Variants in MACROD2 observed in about 807,000 individuals in gnomAD.
MACROD2 encodes mono-ADP ribosylhydrolase 2.
MACROD2 carries 36 observed loss-of-function variants against 70.4 expected under a neutral mutation model. The ratio of observed to expected loss-of-function variants is 0.51; its 90% confidence interval spans 0.39 to 0.68. The LOEUF is 0.68. Among genes scored for constraint, MACROD2 ranks in the 30% least tolerant of loss-of-function variants. MACROD2 has a pLI of 0.00. For missense variants in MACROD2, 496 were observed against 538.4 expected, an observed-to-expected ratio of 0.92 and a Z score of 0.78; for synonymous variants, 172 against 178.8, an observed-to-expected ratio of 0.96 and a Z score of 0.30.
At position 14,156,695 on chromosome 20, in the gene MACROD2, C is replaced by T. The variant is rs951092759; in HGVS notation, c.271+70967C>T. ...GTCATCCATGTAATTTTCATCCAAA[C>T]TGAAATTAACCTTTGCGTAATTTCT... is the stretch of plus-strand genomic sequence containing the variant. On this transcript the variant is annotated intron_variant, in intron 3 of 17. Coordinates refer to ENST00000684519, the MANE Select transcript of MACROD2 (RefSeq NM_001351661.2). 1.4e-3 allele frequency among the ~76,000 whole-genome samples: 215 copies of T among 152,278 alleles called. 1 individual carries two copies. The highest frequency in any genetic ancestry group is 4.7e-3 in the African/African-American group (195 of 41,566).
intron 3 of MACROD2, among the ~76,000 whole-genome samples, chr20:14,267,036 A>C (rs998037881): frequency 2.6e-5 from 4 of 152,152 alleles, no homozygotes; most frequent in Non-Finnish European, 5.9e-5. Flanking sequence ...AATATCTATT[A>C]ATTTTTAAGG....
intron 8 of MACROD2, among the ~76,000 whole-genome samples, chr20:15,687,000 T>C (rs2050235997): frequency 7.9e-6 from 1 of 126,150 alleles, no homozygotes; most frequent in African/African-American, 3.8e-5. Context: ...TAGTTTCTTT[T>C]TTTTTTCTTT....
At chr20:15,409,733 TGGACTGCATGA>T (rs1180407256) in intron 6 of MACROD2, among the ~76,000 whole-genome samples, 1 of 152,224 alleles carries the variant, frequency 6.6e-6, no homozygotes, top group Non-Finnish European at 1.5e-5. Flanking sequence ...ATTCTTCTGA[TGGACTGCATGA>T]GCACATCTAG....
intron 5 of MACROD2, among the ~76,000 whole-genome samples, chr20:14,881,734 C>T (rs2073613052): frequency 6.6e-6 from 1 of 152,120 alleles, no homozygotes; most frequent in Admixed American, 6.5e-5. Flanking sequence ...GAACATTCCT[C>T]AGGAGTTCTG....
intron 5 of MACROD2, among the ~76,000 whole-genome samples, chr20:14,988,684 G>A (rs1049616558): frequency 3.3e-5 from 5 of 152,022 alleles, no homozygotes; most frequent in African/African-American, 7.3e-5. Flanking sequence ...TCTGGCATTC[G>A]CACTGACCAT....
chr20:14,165,399 G>T (rs1435063873), intron 3 of MACROD2, among the ~76,000 whole-genome samples: 1 of 152,120 alleles, frequency 6.6e-6, no homozygotes, highest in Non-Finnish European at 1.5e-5. Flanking sequence ...CAAGCAGGCT[G>T]ACTTGCTTCC....
At chr20:14,960,239 GTTCACACCC>G (rs2074571668) in intron 5 of MACROD2, among the ~76,000 whole-genome samples, 1 of 152,088 alleles carries the variant, frequency 6.6e-6, no homozygotes, top group Admixed American at 6.5e-5. Context: ...TCCTCAGCCA[GTTCACACCC>G]TTCATTATTC....
At chr20:14,084,069 AAC>A (rs1350518574) in intron 2 of MACROD2, among the ~76,000 whole-genome samples, 2 of 140,448 alleles carry the variant, frequency 1.4e-5, no homozygotes, top group East Asian at 4.0e-4. Flanking sequence ...CTCAAAAAAA[AAC>A]AAAAAACAAA....
At chr20:14,530,371 G>A (rs1169913199) in intron 4 of MACROD2, among the ~76,000 whole-genome samples, 1 of 152,182 alleles carries the variant, frequency 6.6e-6, no homozygotes, top group East Asian at 1.9e-4. Flanking sequence ...ATGTCACAGA[G>A]CCTGCAAAGG....
At chr20:15,094,826 A>G (rs1020795473) in intron 5 of MACROD2, among the ~76,000 whole-genome samples, 7 of 152,296 alleles carry the variant, frequency 4.6e-5, no homozygotes, top group African/African-American at 1.7e-4. Flanking sequence ...CCTGTGTGTA[A>G]GGTTATTGAT....
At chr20:14,257,506 A>G (rs1192415643) in intron 3 of MACROD2, among the ~76,000 whole-genome samples, 1 of 152,088 alleles carries the variant, frequency 6.6e-6, no homozygotes, top group East Asian at 1.9e-4. Flanking sequence ...TGTTGTATGA[A>G]AACTCTAAAA....
At chr20:14,000,816 A>G (rs1192264625) in intron 1 of MACROD2, among the ~76,000 whole-genome samples, 2 of 152,210 alleles carry the variant, frequency 1.3e-5, no homozygotes, top group African/African-American at 4.8e-5. Flanking sequence ...TTAGTAGTCT[A>G]TAGGATAAAG....
intron 5 of MACROD2, among the ~76,000 whole-genome samples, chr20:14,749,613 A>G (rs906333989): frequency 1.3e-5 from 2 of 152,180 alleles, no homozygotes; most frequent in East Asian, 1.9e-4. Flanking sequence ...AGTCAAAACT[A>G]AAAACAATAA....
At chr20:14,339,467 T>A (rs2122656080) in intron 3 of MACROD2, among the ~76,000 whole-genome samples, 1 of 152,288 alleles carries the variant, frequency 6.6e-6, no homozygotes, top group East Asian at 1.9e-4. Flanking sequence ...CAGATAGGAG[T>A]TGGTTCTGTT....
intron 5 of MACROD2, among the ~76,000 whole-genome samples, chr20:14,865,781 C>G (rs562536923): frequency 1.3e-5 from 2 of 152,026 alleles, no homozygotes; most frequent in Admixed American, 1.3e-4. Flanking sequence ...CTTCTTTTGC[C>G]AGTTCTATTT....
intron 5 of MACROD2, among the ~76,000 whole-genome samples, chr20:15,114,002 T>C (rs2075974901): frequency 6.6e-6 from 1 of 152,142 alleles, no homozygotes; most frequent in South Asian, 2.1e-4. Flanking sequence ...TTAAAGCTGG[T>C]GCCTAATCTT....
chr20:15,057,927 T>A (rs1367331930), intron 5 of MACROD2, among the ~76,000 whole-genome samples: 1 of 152,162 alleles, frequency 6.6e-6, no homozygotes, highest in East Asian at 1.9e-4. Flanking sequence ...AAAACTTGAT[T>A]TGTCTATGAC....
At chr20:14,367,172 G>A (rs1387072340) in intron 3 of MACROD2, among the ~76,000 whole-genome samples, 3 of 151,946 alleles carry the variant, frequency 2.0e-5, no homozygotes, top group Non-Finnish European at 2.9e-5. Flanking sequence ...TCAAAGTTCT[G>A]TTTCTATACA....
intron 3 of MACROD2, among the ~76,000 whole-genome samples, chr20:14,348,247 C>T (rs1030216172): frequency 8.9e-5 from 12 of 135,574 alleles, no homozygotes; most frequent in African/African-American, 1.9e-4. Context: ...CCAACCTAGG[C>T]GTCAGAGCAA....
Sources: gnomAD v4.1 joint callset for allele counts (sites outside exome capture counted in the v4.1 genomes callset) on GRCh38, gnomAD v4.1.1 for gene constraint, MANE v1.5 for transcripts, NCBI Gene and HGNC (gene_info 2026-07-23, HGNC 2026-07-21) for gene names.